RHAG: variants seen among roughly 807,000 people sequenced by gnomAD.
The protein encoded by RHAG is Rh associated glycoprotein, also known as ammonium transporter Rh type A.
A neutral mutation model predicts 42.4 loss-of-function variants in RHAG; 25 were observed. The observed-to-expected ratio is 0.59, with a 90% confidence interval of 0.43 to 0.82. The LOEUF is 0.82. RHAG is among the 40% of genes least tolerant of loss of function. RHAG has a pLI of 0.00. For synonymous variants in RHAG, 182 were observed against 177.7 expected, an observed-to-expected ratio of 1.02 and a Z score of -0.19; for missense variants, 483 against 504.6, an observed-to-expected ratio of 0.96 and a Z score of 0.41.
In RHAG at chr6:49,611,109, A is replaced by T; in HGVS notation, c.982T>A (p.Cys328Ser). Residue 328 changes from cysteine (C) to serine (S), a missense_variant, in exon 7 of 10, where the codon TGT becomes AGT. Coordinates refer to ENST00000371175, the MANE Select transcript of RHAG (RefSeq NM_000324.3). ...AAGCCGTGGAGGTTATGGACCCCAC[A>T]TGTATCATGGATCCTCAGTTTAGTA... ...FTTKLRIHDTCGVHNLHGLPG... is the reference protein window; with the variant it reads ...FTTKLRIHDTSGVHNLHGLPG... 1 of 1,613,588 alleles carries T rather than the reference A, an allele frequency of 6.2e-7. No homozygotes were observed. Among genetic ancestry groups the T allele is most frequent in the Non-Finnish European group, 8.5e-7 (1 of 1,179,590 alleles).
At position 49,605,826 on chromosome 6, in the gene RHAG, G is replaced by C. The variant is rs773994118; in HGVS notation, c.1217C>G (p.Pro406Arg). The change falls in exon 10 of 10, where the codon CCT becomes CGT. Residue 406 changes from proline to arginine, a missense_variant. Transcript: ENST00000371175. ...CTGATTGTCAAGTTATCTCGTCTTAGGGACCTTTAAAAAAACAAGTTTGAG... is the reference window on the plus strand; with the variant it reads ...CTGATTGTCAAGTTATCTCGTCTTACGGACCTTTAAAAAAACAAGTTTGAG... ...CYDDSVYWKV[P>R]KTR 1 of 1,613,134 alleles carries C rather than the reference G, an allele frequency of 6.2e-7. No individual in the cohort carries two copies. Among genetic ancestry groups the C allele is most frequent in the Non-Finnish European group, 8.5e-7 (1 of 1,179,258 alleles).
rs148576118 is a variant in RHAG, at chr6:49,636,660, A to C, written c.153T>G (p.Tyr51Ter). Residue 51 changes from tyrosine (Y) to a stop codon, truncating the protein, a stop_gained, in exon 1 of 10, where the codon TAT (tyrosine) becomes TAG (stop). Transcript: ENST00000371175. LOFTEE classifies it high-confidence loss of function. ...PTDMGIFFEL[Y>*]PLFQDVHVMI... is the part of the protein sequence containing the mutation. Reference sequence around the variant, plus strand: ...AGTAGTAAATTGCCTACTCACGAGGATATAACTCAAAGAATATGCCCATGT... The same window carrying C: ...AGTAGTAAATTGCCTACTCACGAGGCTATAACTCAAAGAATATGCCCATGT... 5 of 1,613,814 alleles carry C rather than the reference A, an allele frequency of 3.1e-6. No homozygotes were observed. The highest frequency in any genetic ancestry group is 2.7e-5 in the African/African-American group (2 of 74,926).
Position 49,620,559 on chromosome 6 carries a change from C to A in RHAG, c.158-1197G>T, listed in dbSNP as rs562396165. Among the ~76,000 whole-genome samples the A allele has an allele frequency of 2.8e-4, 43 of 151,996 alleles. No homozygotes were observed. In the South Asian group the frequency reaches 7.9e-3, roughly 28 times the overall value. ...TCTTTTTTTGGGGGGGGAGACAGAGCGAGACTCTGTCTCCCAGGATGGAGT... is the reference window on the plus strand; with the variant it reads ...TCTTTTTTTGGGGGGGGAGACAGAGAGAGACTCTGTCTCCCAGGATGGAGT... On this transcript the variant is annotated intron_variant, in intron 1 of 9. Coordinates refer to ENST00000371175, the MANE Select transcript of RHAG (RefSeq NM_000324.3).
intron 1 of RHAG, among the ~76,000 whole-genome samples, chr6:49,630,501 T>A (rs1762919536): frequency 6.6e-6 from 1 of 152,208 alleles, no homozygotes; most frequent in Non-Finnish European, 1.5e-5. Context: ...CATATAACTT[T>A]TTGGCAATCT....
At chr6:49,607,905 A>G (rs536374964) in intron 7 of RHAG, among the ~76,000 whole-genome samples, 3 of 152,294 alleles carry the variant, frequency 2.0e-5, no homozygotes, top group Non-Finnish European at 4.4e-5. Flanking sequence ...ATTGGAAAAT[A>G]AGAGTTTTTT....
At chr6:49,613,362 G>A (rs1447049968) in intron 5 of RHAG, among the ~76,000 whole-genome samples, 2 of 152,198 alleles carry the variant, frequency 1.3e-5, no homozygotes, top group African/African-American at 4.8e-5. Flanking sequence ...GAACCACTGT[G>A]CCCGGACAGG....
chr6:49,634,994 G>A (rs1409014135), intron 1 of RHAG, among the ~76,000 whole-genome samples: 4 of 144,050 alleles, frequency 2.8e-5, no homozygotes, highest in Non-Finnish European at 6.1e-5. Flanking sequence ...GTATACCTGT[G>A]TGTGTCGGGG....
At chr6:49,611,440 T>A (rs1240590417) in intron 6 of RHAG, among the ~76,000 whole-genome samples, 1 of 152,176 alleles carries the variant, frequency 6.6e-6, no homozygotes, top group Non-Finnish European at 1.5e-5. Flanking sequence ...TATGTACAGA[T>A]ATATAGTACA....
chr6:49,611,692 A>T (rs968921874), intron 6 of RHAG, among the ~76,000 whole-genome samples: 6 of 151,438 alleles, frequency 4.0e-5, no homozygotes, highest in Admixed American at 1.3e-4. Flanking sequence ...GAAAGGAATC[A>T]TTTCACATTC....
In RHAG at chr6:49,605,662, A is replaced by C; in HGVS notation, c.*151T>G. 3 of 774,150 alleles carry C rather than the reference A, an allele frequency of 3.9e-6. No homozygotes were observed. Among genetic ancestry groups the C allele is most frequent in the African/African-American group, 1.7e-5 (1 of 58,792 alleles). 48.0% of individuals were successfully genotyped at this position (774,150 alleles called of 1,614,324 possible). ...GCCATTTGGGACTTAGGATCTATTC[A>C]CTCTGGTCCATACTCTCTTTGGTTA... On this transcript the variant is annotated 3_prime_UTR_variant, in exon 10 of 10. Transcript: ENST00000371175.
At chr6:49,633,511 T>C (rs554313017) in intron 1 of RHAG, among the ~76,000 whole-genome samples, 8 of 152,266 alleles carry the variant, frequency 5.3e-5, no homozygotes, top group Middle Eastern at 3.4e-3. Context: ...TACAAACAAT[T>C]TTAAGCAGGA....
Position 49,605,782 on chromosome 6 carries a change from G to A in RHAG, c.*31C>T. On this transcript the variant is annotated 3_prime_UTR_variant, in exon 10 of 10. Transcript: ENST00000371175. Reference sequence around the variant, plus strand: ...TAGACTTCAGGTTCCAGCTGGCTGTGGTCACCATGTCCATGGAACTGATTG... The same window carrying A: ...TAGACTTCAGGTTCCAGCTGGCTGTAGTCACCATGTCCATGGAACTGATTG... The A allele has an allele frequency of 2.5e-6, 4 of 1,607,602 alleles. No homozygotes were observed. Among genetic ancestry groups the A allele is most frequent in the Non-Finnish European group, 3.4e-6 (4 of 1,174,258 alleles).
intron 3 of RHAG, 105 bp from the exon 4 acceptor site, chr6:49,615,876 A>G: frequency 8.8e-7 from 1 of 1,131,368 alleles, no homozygotes; most frequent in South Asian, 1.3e-5. Flanking sequence ...AACTTAAAAA[A>G]ATTAAAGAGG....
chr6:49,613,407 G>A (rs16879509), intron 5 of RHAG, among the ~76,000 whole-genome samples: 7,601 of 152,220 alleles, frequency 0.05, 280 homozygotes, highest in South Asian at 0.11. Context: ...TCTCAGAAAA[G>A]TTGCAGTCTG....
At position 49,605,708 on chromosome 6, in the gene RHAG, A is replaced by C. The variant is rs1226501502; in HGVS notation, c.*105T>G. 9.4e-7 allele frequency: 1 copy of C among 1,064,936 alleles called. No individual in the cohort carries two copies. Among genetic ancestry groups the C allele is most frequent in the East Asian group, 2.4e-5 (1 of 42,342 alleles). 66.0% of individuals were successfully genotyped at this position (1,064,936 alleles called of 1,614,324 possible). A position where few individuals can be genotyped will look rare whatever the true frequency, so the allele number is the denominator to read the frequency against. On this transcript the variant is annotated 3_prime_UTR_variant, in exon 10 of 10. Transcript: ENST00000371175. ...GGTTACTCCCTTTTTGTTTATTTGG[A>C]CTTGATTCTGGATAATGGGAAAGGA...
chr6:49,611,236 C>G, intron 6 of RHAG, 91 bp from the exon 7 acceptor site: 1 of 1,013,666 alleles, frequency 9.9e-7, no homozygotes, highest in Non-Finnish European at 1.5e-6. Flanking sequence ...TCTATTCTTC[C>G]ATGGAGAAAA....
Position 49,606,956 on chromosome 6 carries a change from A to T in RHAG, c.1139-35T>A. On this transcript the variant is annotated intron_variant, in intron 8 of 9. Coordinates refer to ENST00000371175, the MANE Select transcript of RHAG (RefSeq NM_000324.3). ...TAGAGGGAAAATGAGTCATGTTGTGACGCTGAAGAGGAAAATCTACTTGCA... is the reference window on the plus strand; with the variant it reads ...TAGAGGGAAAATGAGTCATGTTGTGTCGCTGAAGAGGAAAATCTACTTGCA... 3.3e-6 allele frequency: 5 copies of T among 1,498,248 alleles called. No individual in the cohort carries two copies. In the South Asian group the frequency reaches 5.7e-5, roughly 17 times the overall value. 92.8% of individuals were successfully genotyped at this position (1,498,248 alleles called of 1,614,324 possible). A position where few individuals can be genotyped will look rare whatever the true frequency, so the allele number is the denominator to read the frequency against.
At position 49,620,736 on chromosome 6, in the gene RHAG, G is replaced by A. The variant is rs536685242; in HGVS notation, c.158-1374C>T. 3.9e-5 allele frequency among the ~76,000 whole-genome samples: 6 copies of A among 152,238 alleles called. No homozygotes were observed. In the South Asian group the frequency reaches 1.2e-3, roughly 32 times the overall value. ...TGTAGAGATGAGATTTCACCATGTT[G>A]GCCAGGCTGGTCTCAAACTCCTGAC... On this transcript the variant is annotated intron_variant, in intron 1 of 9. Transcript: ENST00000371175.
intron 1 of RHAG, among the ~76,000 whole-genome samples, chr6:49,634,443 C>A (rs944905416): frequency 6.6e-6 from 1 of 152,092 alleles, no homozygotes; most frequent in Non-Finnish European, 1.5e-5. Flanking sequence ...CATGAACCAG[C>A]AGTCTCACTA....
Sources: gnomAD v4.1 joint callset for allele counts (sites outside exome capture counted in the v4.1 genomes callset) on GRCh38, gnomAD v4.1.1 for gene constraint, MANE v1.5 for transcripts, NCBI Gene and HGNC (gene_info 2026-07-23, HGNC 2026-07-21) for gene names.